DENND1A: variants seen among roughly 807,000 people sequenced by gnomAD.
DENND1A encodes DENN domain containing 1A.
Under a neutral mutation model 113.7 loss-of-function variants are expected in DENND1A, and 51 were observed. That is an observed-to-expected ratio of 0.45 (90% CI 0.36 to 0.57). The LOEUF is 0.57. Ranked by LOEUF, DENND1A falls within the 20% of genes least tolerant of loss-of-function variation. DENND1A has a pLI of 0.00. For missense variants in DENND1A, 1,258 were observed against 1,395.9 expected (o/e 0.90, Z 1.57); for synonymous variants, 565 against 570.8 (o/e 0.99, Z 0.14).
intron 13 of DENND1A, among the ~76,000 whole-genome samples, chr9:123,483,998 C>A (rs184203862): frequency 1.3e-5 from 2 of 152,214 alleles, no homozygotes; most frequent in East Asian, 3.9e-4. Flanking sequence ...CGGAGCCATG[C>A]CATACATGCT....
chr9:123,567,724 T>C (rs539873117), intron 12 of DENND1A, among the ~76,000 whole-genome samples: 9 of 152,308 alleles, frequency 5.9e-5, no homozygotes, highest in Admixed American at 2.0e-4. Flanking sequence ...GAATGACATA[T>C]ATTAAAAATG....
At chr9:123,717,344 C>T (rs1164871657) in intron 5 of DENND1A, among the ~76,000 whole-genome samples, 2 of 152,130 alleles carry the variant, frequency 1.3e-5, no homozygotes, top group African/African-American at 2.4e-5. Context: ...CTAGGAGATA[C>T]GTATAATGTA....
chr9:123,421,019 A>G (rs1206755913), intron 19 of DENND1A, among the ~76,000 whole-genome samples: 1 of 149,834 alleles, frequency 6.7e-6, no homozygotes, highest in Non-Finnish European at 1.5e-5. Context: ...TCGCTGACGT[A>G]TGCCATTCTT....
intron 19 of DENND1A, among the ~76,000 whole-genome samples, chr9:123,436,751 C>T (rs941140698): frequency 6.9e-6 from 1 of 145,786 alleles, no homozygotes; most frequent in African/African-American, 2.5e-5. Flanking sequence ...GACAAAATAT[C>T]TTTTTTTTTT....
chr9:123,649,254 T>C (rs952018996), intron 9 of DENND1A, among the ~76,000 whole-genome samples: 12 of 152,210 alleles, frequency 7.9e-5, no homozygotes, highest in South Asian at 6.2e-4. Flanking sequence ...CATCCCTCTA[T>C]TGAGGACCAT....
intron 10 of DENND1A, among the ~76,000 whole-genome samples, chr9:123,621,640 G>C (rs960560005): frequency 6.6e-6 from 1 of 152,128 alleles, no homozygotes; most frequent in Non-Finnish European, 1.5e-5. Flanking sequence ...GAAAACATTG[G>C]CTCAGTGACC....
chr9:123,502,652 A>G (rs563003962), intron 13 of DENND1A, among the ~76,000 whole-genome samples: 4 of 152,252 alleles, frequency 2.6e-5, no homozygotes, highest in African/African-American at 9.6e-5. Flanking sequence ...AGCTGTTGAC[A>G]TTGTCTTTTT....
intron 13 of DENND1A, among the ~76,000 whole-genome samples, chr9:123,525,776 T>TTTTTA (rs1554856412): frequency 6.7e-6 from 1 of 148,418 alleles, no homozygotes; most frequent in African/African-American, 2.5e-5. Context: ...TTTTTTTTTT[T>TTTTTA]GAGACAGGGT....
intron 12 of DENND1A, among the ~76,000 whole-genome samples, chr9:123,581,967 C>A (rs572781392): frequency 6.6e-6 from 1 of 152,360 alleles, no homozygotes; most frequent in East Asian, 1.9e-4. Context: ...GCCTACAGGG[C>A]AGCTCCAAGT....
At chr9:123,386,209 A>C (rs1413053671) in intron 22 of DENND1A, among the ~76,000 whole-genome samples, 1 of 152,160 alleles carries the variant, frequency 6.6e-6, no homozygotes, top group Non-Finnish European at 1.5e-5. Context: ...TCTAATTAGC[A>C]ACAGAAATAA....
chr9:123,487,694 T>C (rs910730822), intron 13 of DENND1A, among the ~76,000 whole-genome samples: 7 of 151,866 alleles, frequency 4.6e-5, no homozygotes, highest in African/African-American at 1.7e-4. Context: ...AATATAAACA[T>C]ACACAATGTC....
chr9:123,736,046 G>T (rs560246829), intron 5 of DENND1A, among the ~76,000 whole-genome samples: 45 of 152,216 alleles, frequency 3.0e-4, no homozygotes, highest in Middle Eastern at 3.4e-3. Flanking sequence ...TAGCTAGTTA[G>T]ACTGCACCTT....
intron 20 of DENND1A, among the ~76,000 whole-genome samples, chr9:123,409,320 G>A (rs2044126943): frequency 1.3e-5 from 2 of 151,280 alleles, no homozygotes; most frequent in Non-Finnish European, 2.9e-5. Flanking sequence ...TTTTATATAG[G>A]TTGAGCATCC....
intron 13 of DENND1A, among the ~76,000 whole-genome samples, chr9:123,554,973 T>C (rs764961088): frequency 6.6e-6 from 1 of 152,226 alleles, no homozygotes; most frequent in African/African-American, 2.4e-5. Context: ...TTACCTAACA[T>C]GGATACTCAG....
chr9:123,811,620 G>A (rs918280531), intron 2 of DENND1A, among the ~76,000 whole-genome samples: 12 of 152,218 alleles, frequency 7.9e-5, no homozygotes, highest in Middle Eastern at 3.4e-3. Context: ...TTAGCCAGGC[G>A]TGGTGGTGGG....
chr9:123,849,853 T>C lies in DENND1A; in HGVS notation c.88+29098A>G, dbSNP rs185989071. Reference sequence around the variant, plus strand: ...CCCTCCTGGATGACATTGAGGTATTTAAGACTTCAGTGGAGGAAGTAATGC... The same window carrying C: ...CCCTCCTGGATGACATTGAGGTATTCAAGACTTCAGTGGAGGAAGTAATGC... On this transcript the variant is annotated intron_variant, in intron 2 of 23. Transcript: ENST00000394215. Among the ~76,000 whole-genome samples, 65 of 152,280 alleles carry C rather than the reference T, an allele frequency of 4.3e-4. 1 individual carries two copies. Among genetic ancestry groups the C allele is most frequent in the Non-Finnish European group, 7.4e-5 (5 of 68,022 alleles).
At chr9:123,391,031 A>G (rs2491351) in intron 21 of DENND1A, among the ~76,000 whole-genome samples, 84,656 of 152,124 alleles carry the variant, frequency 0.56, 24,217 homozygotes, top group Non-Finnish European at 0.65. Flanking sequence ...GCTAAATCCA[A>G]CTGCCGCAGT....
intron 7 of DENND1A, among the ~76,000 whole-genome samples, chr9:123,670,853 T>A (rs2063729737): frequency 6.6e-6 from 1 of 152,082 alleles, no homozygotes; most frequent in African/African-American, 2.4e-5. Flanking sequence ...TTCTGAAGGA[T>A]GAATATGTGT....
At position 123,497,732 on chromosome 9, in the gene DENND1A, T is replaced by C. The variant is rs143380255; in HGVS notation, c.994-39835A>G. Among the ~76,000 whole-genome samples the C allele has an allele frequency of 3.3e-3, 495 of 150,346 alleles. 1 individual carries two copies. The highest frequency in any genetic ancestry group is 0.011 in the African/African-American group (463 of 40,870). On this transcript the variant is annotated intron_variant, in intron 13 of 23. Coordinates refer to ENST00000394215, the MANE Select transcript of DENND1A (RefSeq NM_001352964.2). ...AACCCAAAAAACTACGTTAGCACTA[T>C]CCTCATCTATCTTCTGTTTCACCAT...
Sources: gnomAD v4.1 joint callset for allele counts (sites outside exome capture counted in the v4.1 genomes callset) on GRCh38, gnomAD v4.1.1 for gene constraint, MANE v1.5 for transcripts, NCBI Gene and HGNC (gene_info 2026-07-23, HGNC 2026-07-21) for gene names.